Variants in REEP5 observed in about 807,000 individuals in gnomAD.
The protein encoded by REEP5 is receptor accessory protein 5.
Under a neutral mutation model 22.4 loss-of-function variants are expected in REEP5, and 24 were observed. That is an observed-to-expected ratio of 1.07 (90% CI 0.78 to 1.51). REEP5 has a LOEUF of 1.51. Ranked by LOEUF, REEP5 falls within the 40% of genes most tolerant of loss-of-function variation. The pLI, the probability that REEP5 is intolerant of heterozygous loss-of-function variation, is 0.00. For synonymous variants in REEP5, 103 were observed against 88.6 expected, an observed-to-expected ratio of 1.16 and a Z score of -0.92; for missense variants, 252 against 233.0, an observed-to-expected ratio of 1.08 and a Z score of -0.53.
At chr5:112,913,392 AG>A (rs1292449037) in intron 2 of REEP5, among the ~76,000 whole-genome samples, 71 of 140,668 alleles carry the variant, frequency 5.0e-4, no homozygotes, top group Admixed American at 5.6e-4. Context: ...AGAAAGAAAG[AG>A]AAAGAAAGAA....
chr5:112,907,845 A>G (rs1221344866), intron 2 of REEP5, among the ~76,000 whole-genome samples: 3 of 152,222 alleles, frequency 2.0e-5, no homozygotes, highest in African/African-American at 7.2e-5. Flanking sequence ...AAAGATGTCC[A>G]AGATACAGTG....
Position 112,887,199 on chromosome 5 carries a change from G to C in REEP5, c.352-16C>G. On this transcript the variant is annotated splice_polypyrimidine_tract_variant and intron_variant, in intron 3 of 4. Transcript: ENST00000379638. ...GGAAGCCACACTGCACAGAAAAAGAGCCAGCATGGGTAACAGGAGGGTGGA... is the reference window on the plus strand; with the variant it reads ...GGAAGCCACACTGCACAGAAAAAGACCCAGCATGGGTAACAGGAGGGTGGA... The C allele has an allele frequency of 1.3e-6, 2 of 1,563,420 alleles. No homozygotes were observed. Among genetic ancestry groups the C allele is most frequent in the Non-Finnish European group, 1.7e-6 (2 of 1,145,968 alleles).
intron 3 of REEP5, chr5:112,892,189 G>A: frequency 1.9e-6 from 3 of 1,614,178 alleles, no homozygotes; most frequent in East Asian, 2.2e-5. Context: ...CAGTAAAACA[G>A]GAGCTTGCAG....
chr5:112,892,989 C>G (rs574623663), intron 3 of REEP5: 10 of 1,581,994 alleles, frequency 6.3e-6, no homozygotes, highest in Non-Finnish European at 8.6e-6. Flanking sequence ...GCCACCGCAG[C>G]CGGAGCCAAA....
At chr5:112,918,497 G>C (rs574245715) in intron 2 of REEP5, among the ~76,000 whole-genome samples, 3 of 152,128 alleles carry the variant, frequency 2.0e-5, no homozygotes, top group Non-Finnish European at 2.9e-5. Context: ...TCCCCTTCTT[G>C]TGATGGCCCA....
chr5:112,891,373 A>AGG (rs1768441242), intron 3 of REEP5, among the ~76,000 whole-genome samples: 1 of 152,128 alleles, frequency 6.6e-6, no homozygotes. Flanking sequence ...GCACCTGGCC[A>AGG]TAAGTAAATA....
At chr5:112,899,266 T>G (rs1381712728) in intron 3 of REEP5, among the ~76,000 whole-genome samples, 7 of 151,658 alleles carry the variant, frequency 4.6e-5, no homozygotes, top group African/African-American at 1.7e-4. Context: ...TTTTCGGTTT[T>G]TTTTTTTTTG....
chr5:112,921,356 T>C, intron 1 of REEP5, 100 bp from the exon 2 acceptor site: 2 of 1,119,644 alleles, frequency 1.8e-6, no homozygotes, highest in Non-Finnish European at 2.7e-6. Flanking sequence ...TGTAGGAGTT[T>C]TCCTCTCGAC....
At chr5:112,884,735 C>T (rs529535117) in intron 4 of REEP5, among the ~76,000 whole-genome samples, 11 of 151,680 alleles carry the variant, frequency 7.3e-5, no homozygotes, top group African/African-American at 2.4e-4. Flanking sequence ...TATAGATTTC[C>T]TAAACGTCTC....
chr5:112,919,067 T>C (rs1452075559), intron 2 of REEP5, among the ~76,000 whole-genome samples: 1 of 152,224 alleles, frequency 6.6e-6, no homozygotes, highest in African/African-American at 2.4e-5. Context: ...TTTTGCTAAA[T>C]AGATGAACCT....
intron 3 of REEP5, chr5:112,895,685 GTTAA>G (rs1171827665): frequency 6.6e-6 from 1 of 152,178 alleles, no homozygotes; most frequent in Non-Finnish European, 1.5e-5. Flanking sequence ...TAAAAATAAA[GTTAA>G]TTACTGTTCA....
intron 3 of REEP5, among the ~76,000 whole-genome samples, chr5:112,887,719 G>A (rs892524710): frequency 2.0e-5 from 3 of 152,004 alleles, no homozygotes; most frequent in Non-Finnish European, 2.9e-5. Context: ...CTTTACAGTT[G>A]TTCTTCATCT....
At chr5:112,881,640 C>T (rs1768078538) in intron 4 of REEP5, among the ~76,000 whole-genome samples, 1 of 152,204 alleles carries the variant, frequency 6.6e-6, no homozygotes, top group Non-Finnish European at 1.5e-5. Flanking sequence ...CTTTCAGAAT[C>T]TCATGTCATC....
chr5:112,894,105 TGTTTTTTTG>T (rs1249911222), intron 3 of REEP5: 2 of 146,932 alleles, frequency 1.4e-5, no homozygotes, highest in African/African-American at 5.4e-5. Flanking sequence ...TGGTTGGTTT[TGTTTTTTTG>T]GTTTTTTTTG....
intron 2 of REEP5, among the ~76,000 whole-genome samples, chr5:112,909,184 T>C (rs929364804): frequency 4.7e-5 from 7 of 149,714 alleles, no homozygotes; most frequent in African/African-American, 1.7e-4. Context: ...TTACTAGATA[T>C]ATGACCCTGG....
At chr5:112,904,607 C>T (rs1336923915) in intron 2 of REEP5, among the ~76,000 whole-genome samples, 2 of 152,152 alleles carry the variant, frequency 1.3e-5, no homozygotes, top group East Asian at 1.9e-4. Context: ...ATTGTTAATC[C>T]AGTGGCTTTT....
chr5:112,887,097 C>T lies in REEP5; in HGVS notation c.438G>A (p.Leu146=). ...LYKRIIRPFF[L]KHESQMDSVV... is the part of the protein sequence containing the mutation. The stretch of plus-strand genomic sequence containing the variant: ...CACTGTCCATCTGGGACTCGTGCTT[C>T]AGGAAGAAAGGACGGATGATGCGCT... The change falls in exon 4 of 5, where the codon CTG becomes CTA. Residue 146 remains leucine, a synonymous_variant. Transcript: ENST00000379638. 6.2e-7 allele frequency: 1 copy of T among 1,613,680 alleles called. No homozygotes were observed. Among genetic ancestry groups the T allele is most frequent in the Non-Finnish European group, 8.5e-7 (1 of 1,179,906 alleles).
intron 4 of REEP5, among the ~76,000 whole-genome samples, chr5:112,884,347 A>G (rs2150035226): frequency 6.6e-6 from 1 of 151,522 alleles, no homozygotes; most frequent in Non-Finnish European, 1.5e-5. Flanking sequence ...AGCTCATTCT[A>G]AAGTATGATT....
chr5:112,902,291 G>C (rs1050899642), intron 3 of REEP5, 89 bp downstream of exon 3: 3 of 1,301,722 alleles, frequency 2.3e-6, no homozygotes, highest in South Asian at 1.6e-5. Context: ...CTGAGACAGA[G>C]CCACAGATGC....
Sources: gnomAD v4.1 joint callset for allele counts (sites outside exome capture counted in the v4.1 genomes callset) on GRCh38, gnomAD v4.1.1 for gene constraint, MANE v1.5 for transcripts, NCBI Gene and HGNC (gene_info 2026-07-23, HGNC 2026-07-21) for gene names.